The following TBC1D21 variants were observed in gnomAD, a reference collection of about 807,000 sequenced individuals.
TBC1D21 encodes TBC1 domain family member 21.
TBC1D21 carries 38 observed loss-of-function variants against 46.0 expected under a neutral mutation model. The observed-to-expected ratio is 0.83, with a 90% CI of 0.64 to 1.08. The LOEUF is 1.08. Ranked by LOEUF, TBC1D21 falls within the 50% of genes least tolerant of loss-of-function variation. The pLI, the probability that TBC1D21 is intolerant of heterozygous loss-of-function variation, is 0.00. For missense variants in TBC1D21, 415 were observed against 417.9 expected, an observed-to-expected ratio of 0.99 and a Z score of 0.06; for synonymous variants, 151 against 157.2, an observed-to-expected ratio of 0.96 and a Z score of 0.29.
the TBC1D21 span, among the ~76,000 whole-genome samples, chr15:73,896,906 T>C: frequency 2.6e-5 from 4 of 152,224 alleles, no homozygotes; most frequent in Admixed American, 2.0e-4. Context: ...TAGTGGTGCA[T>C]GTGTAGTGGA....
chr15:73,890,853 C>A (rs1196502418), downstream of TBC1D21, among the ~76,000 whole-genome samples: 4 of 152,188 alleles, frequency 2.6e-5, no homozygotes, highest in African/African-American at 9.7e-5. Flanking sequence ...GATCCCAGAG[C>A]CCTCTCCCCC....
At chr15:73,900,146 C>G in the TBC1D21 span, among the ~76,000 whole-genome samples, 1 of 152,226 alleles carries the variant, frequency 6.6e-6, no homozygotes, top group African/African-American at 2.4e-5. Flanking sequence ...ATGCCAGGGT[C>G]TGAGGGCTGA....
chr15:73,903,087 G>A, the TBC1D21 span, among the ~76,000 whole-genome samples: 9 of 152,178 alleles, frequency 5.9e-5, no homozygotes, highest in African/African-American at 2.2e-4. Context: ...CATAGTCTCT[G>A]TGTGTCCTTC....
chr15:73,891,050 C>T (rs62007100), downstream of TBC1D21, among the ~76,000 whole-genome samples: 66,332 of 152,102 alleles, frequency 0.44, 16,467 homozygotes, highest in Middle Eastern at 0.63. Context: ...ATGAAAGTAA[C>T]AATCTTGGAA....
At chr15:73,893,993 G>C (rs2068357074), downstream of TBC1D21, among the ~76,000 whole-genome samples, 1 of 152,184 alleles carries the variant, frequency 6.6e-6, no homozygotes, top group African/African-American at 2.4e-5. Flanking sequence ...TTATCTAACA[G>C]AATCAGAATT....
At chr15:73,884,384 G>C (rs2068206291) in intron 4 of TBC1D21, 139 bp downstream of exon 4, 4 of 801,200 alleles carry the variant, frequency 5.0e-6, no homozygotes, top group Non-Finnish European at 8.4e-6. Flanking sequence ...TTCGCCAGCT[G>C]AACCTTGGTT....
At chr15:73,902,237 A>G in the TBC1D21 span, among the ~76,000 whole-genome samples, 1 of 152,188 alleles carries the variant, frequency 6.6e-6, no homozygotes, top group African/African-American at 2.4e-5. Flanking sequence ...CTAACCAAAG[A>G]AAGCAGCTGC....
chr15:73,889,338 G>A (rs1417104106), downstream of TBC1D21: 2 of 519,810 alleles, frequency 3.8e-6, no homozygotes, highest in African/African-American at 1.9e-5. Context: ...ACTAGGGAGG[G>A]TGCTTGCTGG....
At chr15:73,886,241 C>A in intron 7 of TBC1D21, 67 bp downstream of exon 7, 1 of 1,382,030 alleles carries the variant, frequency 7.2e-7, no homozygotes, top group Non-Finnish European at 1.0e-6. Context: ...TGGGACCCAA[C>A]TGTCAGTCCC....
chr15:73,881,686 A>G lies in TBC1D21; in HGVS notation c.211A>G (p.Thr71Ala). ...GAGGACTGAAGCCTGGAAATTCCTC[A>G]CGGGCTACTTCTCATGGCAGAGTTC... ...FVRTEAWKFL[T>A]GYFSWQSSQD... Residue 71 changes from threonine to alanine, a missense_variant, in exon 3 of 11, where the codon ACG (threonine) becomes GCG (alanine). By Grantham distance (58) the Thr-to-Ala change is moderately conservative (BLOSUM62 0). Coordinates refer to ENST00000300504, the MANE Select transcript of TBC1D21 (RefSeq NM_153356.3). The G allele has an allele frequency of 6.2e-7, 1 of 1,612,008 alleles. No homozygotes were observed. The highest frequency in any genetic ancestry group is 1.1e-5 in the South Asian group (1 of 90,962).
the TBC1D21 span, among the ~76,000 whole-genome samples, chr15:73,898,896 TATATATAC>T: frequency 7.7e-6 from 1 of 129,306 alleles, no homozygotes; most frequent in African/African-American, 2.8e-5. Context: ...TATATATATA[TATATATAC>T]ACACACACTC....
chr15:73,905,203 T>C, the TBC1D21 span, among the ~76,000 whole-genome samples: 4 of 152,232 alleles, frequency 2.6e-5, no homozygotes, highest in Non-Finnish European at 4.4e-5. Context: ...TACTTGAAGA[T>C]GTGAATGTTT....
At chr15:73,884,708 G>C in intron 4 of TBC1D21, 73 bp from the exon 5 acceptor site, 1 of 1,074,068 alleles carries the variant, frequency 9.3e-7, no homozygotes, top group East Asian at 2.5e-5. Context: ...CATTGGGGTA[G>C]GGGAAGAAAT....
chr15:73,877,777 A>G (rs981814647), intron 1 of TBC1D21, among the ~76,000 whole-genome samples: 24 of 152,248 alleles, frequency 1.6e-4, no homozygotes, highest in Admixed American at 7.8e-4. Flanking sequence ...AAAGTACTCA[A>G]TATAATTTAC....
chr15:73,876,273 G>C (rs1322267662), intron 1 of TBC1D21, among the ~76,000 whole-genome samples: 1 of 123,776 alleles, frequency 8.1e-6, no homozygotes, highest in African/African-American at 3.0e-5. Flanking sequence ...TGTCACCCAG[G>C]CTGGAGTGCA....
intron 1 of TBC1D21, among the ~76,000 whole-genome samples, chr15:73,879,619 C>A (rs2068118755): frequency 6.6e-6 from 1 of 152,166 alleles, no homozygotes; most frequent in South Asian, 2.1e-4. Flanking sequence ...GGGCCCCACC[C>A]CAAACCCTCT....
chr15:73,897,965 C>T, the TBC1D21 span, among the ~76,000 whole-genome samples: 2 of 152,190 alleles, frequency 1.3e-5, no homozygotes, highest in Non-Finnish European at 2.9e-5. Context: ...TCCTTCCTGC[C>T]CCCCAGCACA....
At chr15:73,905,930 A>G in the TBC1D21 span, among the ~76,000 whole-genome samples, 105 of 152,258 alleles carry the variant, frequency 6.9e-4, no homozygotes, top group Non-Finnish European at 1.0e-3. Context: ...CCATCAAGAC[A>G]GCACAGTCTG....
chr15:73,879,002 T>G (rs2068108621), intron 1 of TBC1D21, among the ~76,000 whole-genome samples: 1 of 152,204 alleles, frequency 6.6e-6, no homozygotes, highest in African/African-American at 2.4e-5. Flanking sequence ...GGGCAGACCC[T>G]GCTTCCCAGG....
Sources: gnomAD v4.1 joint callset for allele counts (sites outside exome capture counted in the v4.1 genomes callset) on GRCh38, gnomAD v4.1.1 for gene constraint, MANE v1.5 for transcripts, NCBI Gene and HGNC (gene_info 2026-07-23, HGNC 2026-07-21) for gene names.